LDLRAD4: variants seen among roughly 807,000 people sequenced by gnomAD.
LDLRAD4 encodes low density lipoprotein receptor class A domain containing 4.
LDLRAD4 carries 5 observed loss-of-function variants against 17.0 expected under a neutral mutation model. The observed-to-expected ratio is 0.29, with a 90% confidence interval of 0.15 to 0.62. LDLRAD4 has a LOEUF of 0.62. Among genes scored for constraint, LDLRAD4 ranks in the 20% least tolerant of loss-of-function variants. The pLI, the probability that LDLRAD4 is intolerant of heterozygous loss-of-function variation, is 0.84. For missense variants in LDLRAD4, 340 were observed against 424.7 expected (o/e 0.80, Z 1.75); for synonymous variants, 168 against 171.8 (o/e 0.98, Z 0.17).
intron 3 of LDLRAD4, among the ~76,000 whole-genome samples, chr18:13,594,146 C>T (rs1055820736): frequency 2.6e-5 from 4 of 152,008 alleles, no homozygotes; most frequent in African/African-American, 9.7e-5. Context: ...GCTGGTGTCT[C>T]CAGAGTGGTG....
intron 1 of LDLRAD4, among the ~76,000 whole-genome samples, chr18:13,356,991 G>A (rs541565110): frequency 1.4e-4 from 21 of 152,096 alleles, no homozygotes; most frequent in Admixed American, 6.6e-5. Context: ...AAAATTAGCC[G>A]GGTGTGGTGG....
At chr18:13,454,726 T>C (rs2092031115) in intron 3 of LDLRAD4, among the ~76,000 whole-genome samples, 1 of 151,898 alleles carries the variant, frequency 6.6e-6, no homozygotes, top group African/African-American at 2.4e-5. Flanking sequence ...ACAGATGAGC[T>C]GGGAAAGGGG....
chr18:13,636,740 TTTG>T (rs1455079355), intron 4 of LDLRAD4, among the ~76,000 whole-genome samples: 2 of 151,968 alleles, frequency 1.3e-5, no homozygotes, highest in East Asian at 1.9e-4. Context: ...CCTCAGGTGA[TTTG>T]CCTGCCTTGG....
At chr18:13,256,280 G>A (rs1415564209) in intron 1 of LDLRAD4, among the ~76,000 whole-genome samples, 4 of 152,282 alleles carry the variant, frequency 2.6e-5, no homozygotes, top group African/African-American at 7.2e-5. Flanking sequence ...TGCCATTTGA[G>A]GTGAGTCCTC....
intron 2 of LDLRAD4, among the ~76,000 whole-genome samples, chr18:13,422,583 A>G (rs966728496): frequency 1.3e-5 from 2 of 150,752 alleles, no homozygotes; most frequent in African/African-American, 4.9e-5. Flanking sequence ...CTGTAGTCCC[A>G]GCTACTCGGG....
intron 3 of LDLRAD4, among the ~76,000 whole-genome samples, chr18:13,517,961 C>G (rs915367874): frequency 1.3e-5 from 2 of 152,164 alleles, no homozygotes; most frequent in Admixed American, 1.3e-4. Context: ...GTCTCGATCT[C>G]CTGACCTTGT....
chr18:13,324,686 A>C (rs1183061337), intron 1 of LDLRAD4, among the ~76,000 whole-genome samples: 1 of 152,176 alleles, frequency 6.6e-6, no homozygotes, highest in Non-Finnish European at 1.5e-5. Flanking sequence ...TGCTGTAAAC[A>C]AAAAAGTGTC....
chr18:13,562,844 CCTGTGTGAT>C (rs1479476058), intron 3 of LDLRAD4: 1 of 152,256 alleles, frequency 6.6e-6, no homozygotes, highest in Admixed American at 6.5e-5. Context: ...GCTGTGCCCT[CCTGTGTGAT>C]CTGAAGTAGG....
chr18:13,499,788 C>G (rs55696103), intron 3 of LDLRAD4, among the ~76,000 whole-genome samples: 2 of 152,252 alleles, frequency 1.3e-5, no homozygotes, highest in Non-Finnish European at 2.9e-5. Context: ...CATCTCCACA[C>G]ACGTATCCTG....
upstream of LDLRAD4, among the ~76,000 whole-genome samples, chr18:13,277,935 CT>C (rs971705454): frequency 4.6e-5 from 7 of 152,180 alleles, no homozygotes; most frequent in African/African-American, 1.4e-4. Flanking sequence ...ATTCTTCTCT[CT>C]TCCTTCCCTT....
intron 3 of LDLRAD4, among the ~76,000 whole-genome samples, chr18:13,583,979 C>A (rs2094901804): frequency 6.6e-6 from 1 of 152,182 alleles, no homozygotes; most frequent in Admixed American, 6.5e-5. Context: ...TCCGCAGCCT[C>A]AGCCTGGCTT....
chr18:13,353,217 G>GA (rs201236209), intron 1 of LDLRAD4, among the ~76,000 whole-genome samples: 10 of 150,584 alleles, frequency 6.6e-5, no homozygotes, highest in Admixed American at 1.3e-4. Context: ...TTAGGCATTT[G>GA]AAAAAAAAAT....
chr18:13,539,551 T>C (rs2094246870), intron 3 of LDLRAD4, among the ~76,000 whole-genome samples: 1 of 152,186 alleles, frequency 6.6e-6, no homozygotes. Context: ...CCCCCTTTCC[T>C]CCTCTTTCAA....
chr18:13,453,001 G>T (rs1011450790), intron 3 of LDLRAD4, among the ~76,000 whole-genome samples: 2 of 152,146 alleles, frequency 1.3e-5, no homozygotes, highest in Admixed American at 1.3e-4. Context: ...GGAGAGAAAG[G>T]GCACAGAGAT....
At chr18:13,334,029 A>G (rs1360893719) in intron 1 of LDLRAD4, among the ~76,000 whole-genome samples, 1 of 152,176 alleles carries the variant, frequency 6.6e-6, no homozygotes, top group Non-Finnish European at 1.5e-5. Context: ...ATTCCTATCC[A>G]TGGACATGGA....
chr18:13,394,518 T>A (rs2086508096), intron 2 of LDLRAD4, among the ~76,000 whole-genome samples: 1 of 152,222 alleles, frequency 6.6e-6, no homozygotes, highest in Non-Finnish European at 1.5e-5. Flanking sequence ...AATATAAAAA[T>A]TATAAAGTCA....
At chr18:13,245,771 G>A (rs1837759170) in intron 1 of LDLRAD4, among the ~76,000 whole-genome samples, 1 of 152,226 alleles carries the variant, frequency 6.6e-6, no homozygotes, top group Non-Finnish European at 1.5e-5. Flanking sequence ...TGAGGGGCAG[G>A]GCCCTTGCAG....
chr18:13,252,871 G>A (rs2043299123), intron 1 of LDLRAD4, among the ~76,000 whole-genome samples: 1 of 152,250 alleles, frequency 6.6e-6, no homozygotes, highest in Non-Finnish European at 1.5e-5. Flanking sequence ...TCCTAGAATA[G>A]TGTCCTTGTA....
At chr18:13,483,765 A>C (rs1416432659) in intron 3 of LDLRAD4, among the ~76,000 whole-genome samples, 1 of 152,182 alleles carries the variant, frequency 6.6e-6, no homozygotes, top group African/African-American at 2.4e-5. Context: ...CCCTTTCCCA[A>C]GCAGCTCAGA....
Sources: gnomAD v4.1 joint callset for allele counts (sites outside exome capture counted in the v4.1 genomes callset) on GRCh38, gnomAD v4.1.1 for gene constraint, MANE v1.5 for transcripts, NCBI Gene and HGNC (gene_info 2026-07-23, HGNC 2026-07-21) for gene names.